The following MRC1 variants were observed in gnomAD, a reference collection of about 807,000 sequenced individuals.
MRC1 encodes macrophage mannose receptor 1.
A neutral mutation model predicts 102.9 loss-of-function variants in MRC1; 62 were observed. That is an observed-to-expected ratio of 0.60 (90% CI 0.49 to 0.74). The LOEUF is 0.74. Among genes scored for constraint, MRC1 ranks in the 30% least tolerant of loss-of-function variants. MRC1 has a pLI of 0.00. For missense variants in MRC1, 1,237 were observed against 862.8 expected (o/e 1.43, Z -5.43); for synonymous variants, 457 against 298.4 (o/e 1.53, Z -5.48).
intron 21 of MRC1, among the ~76,000 whole-genome samples, chr10:17,884,123 A>G (rs1833557403): frequency 6.6e-6 from 1 of 152,066 alleles, no homozygotes; most frequent in Non-Finnish European, 1.5e-5. Flanking sequence ...CATGACACCG[A>G]TGCTTTGTTA....
chr10:17,860,680 C>A (rs1254893771), intron 9 of MRC1, among the ~76,000 whole-genome samples: 1 of 152,164 alleles, frequency 6.6e-6, no homozygotes, highest in Non-Finnish European at 1.5e-5. Flanking sequence ...TAGCTTTATA[C>A]CCACCTTCTA....
intron 5 of MRC1, 148 bp downstream of exon 5, chr10:17,840,954 A>G (rs1020302731): frequency 5.2e-5 from 37 of 718,188 alleles, no homozygotes; most frequent in African/African-American, 4.3e-4. Context: ...TTTGAAATCT[A>G]TGCTAGATTT....
chr10:17,833,105 C>T lies in MRC1; in HGVS notation c.638-570C>T, dbSNP rs556068955. 5.0e-3 allele frequency among the ~76,000 whole-genome samples: 709 copies of T among 142,750 alleles called. 5 individuals are homozygous for T. The highest frequency in any genetic ancestry group is 0.018 in the African/African-American group (688 of 38,964). 93.6% of individuals were successfully genotyped at this position (142,750 alleles called of 152,430 possible). On this transcript the variant is annotated intron_variant, in intron 3 of 29. Transcript: ENST00000569591. ...ACTCAATTGATCCCGAAAGGGAAAT[C>T]GTGCCTGCCTTTCTTTCTTTAGGCA... is the stretch of plus-strand genomic sequence containing the variant.
intron 21 of MRC1, among the ~76,000 whole-genome samples, chr10:17,881,943 G>A (rs1296114645): frequency 2.7e-5 from 4 of 146,900 alleles, no homozygotes; most frequent in Non-Finnish European, 4.5e-5. Context: ...AGGATTACAG[G>A]TGTGAGTCAC....
At chr10:17,894,390 C>CTTTTTTTT (rs1833724074) in intron 23 of MRC1, 78 bp downstream of exon 23, 3 of 577,626 alleles carry the variant, frequency 5.2e-6, no homozygotes, top group Non-Finnish European at 8.9e-6. Context: ...TTCTTTCTTT[C>CTTTTTTTT]TTTCTTTTTT....
At chr10:17,892,163 C>G (rs1833688434) in intron 22 of MRC1, among the ~76,000 whole-genome samples, 1 of 152,162 alleles carries the variant, frequency 6.6e-6, no homozygotes, top group African/African-American at 2.4e-5. Flanking sequence ...TTTAAAATGG[C>G]TCTTTTCCCA....
chr10:17,849,200 G>A (rs1189185324), intron 6 of MRC1, among the ~76,000 whole-genome samples: 1 of 151,538 alleles, frequency 6.6e-6, no homozygotes, highest in Non-Finnish European at 1.5e-5. Flanking sequence ...TACTTAGGAG[G>A]CTGAGGCAGG....
intron 17 of MRC1, among the ~76,000 whole-genome samples, chr10:17,875,478 A>G (rs1833418044): frequency 6.6e-6 from 1 of 152,128 alleles, no homozygotes; most frequent in Non-Finnish European, 1.5e-5. Context: ...TTGCATCCTC[A>G]TAGCTTAGCT....
At chr10:17,852,478 A>G (rs1838931728) in intron 7 of MRC1, among the ~76,000 whole-genome samples, 2 of 152,216 alleles carry the variant, frequency 1.3e-5, no homozygotes, top group Non-Finnish European at 2.9e-5. Flanking sequence ...GTTCTTGATA[A>G]CAAGAGTCAG....
At chr10:17,828,371 G>A (rs1838516921) in intron 3 of MRC1, among the ~76,000 whole-genome samples, 1 of 151,452 alleles carries the variant, frequency 6.6e-6, no homozygotes, top group Non-Finnish European at 1.5e-5. Context: ...CGGCGCGCCC[G>A]ACTATGACCT....
intron 1 of MRC1, among the ~76,000 whole-genome samples, chr10:17,811,380 G>T (rs1838218982): frequency 6.6e-6 from 1 of 152,128 alleles, no homozygotes; most frequent in Non-Finnish European, 1.5e-5. Flanking sequence ...GTTTGCTCAG[G>T]AGTGTTTCCC....
rs1838738249 is a variant in MRC1, at chr10:17,840,780, C to T, written c.890C>T (p.Pro297Leu). 1 of 780,866 alleles carries T rather than the reference C, an allele frequency of 1.3e-6. No individual in the cohort carries two copies. The highest frequency in any genetic ancestry group is 2.4e-6 in the Non-Finnish European group (1 of 417,946). The allele number at this position is 780,866 out of a possible 1,614,324, so 48.4% of individuals were successfully genotyped here. A position where few individuals can be genotyped will look rare whatever the true frequency, so the allele number is the denominator to read the frequency against. The change falls in exon 5 of 30, where the codon CCT (proline) becomes CTT (leucine). Residue 297 changes from proline to leucine, a missense_variant. Pro to Leu is a moderately conservative substitution (Grantham distance 98). Transcript: ENST00000569591. ...NSGWQWSDRSPFRYLNWLPGS... is the reference protein window; with the variant it reads ...NSGWQWSDRSLFRYLNWLPGS... ...GGTTGGCAGTGGAGTGACCGCAGTCCTTTCCGATATTTGAACTGGTTACCA... is the reference window on the plus strand; with the variant it reads ...GGTTGGCAGTGGAGTGACCGCAGTCTTTTCCGATATTTGAACTGGTTACCA...
chr10:17,828,201 C>T (rs911017347), intron 3 of MRC1, among the ~76,000 whole-genome samples: 5 of 152,128 alleles, frequency 3.3e-5, no homozygotes, highest in Non-Finnish European at 4.4e-5. Flanking sequence ...CTCAGCCTCC[C>T]GAGTAGCTGG....
intron 1 of MRC1, among the ~76,000 whole-genome samples, chr10:17,811,743 AT>A (rs1222139143): frequency 2.0e-5 from 3 of 151,304 alleles, no homozygotes; most frequent in South Asian, 2.1e-4. Flanking sequence ...CTAATTTTTA[AT>A]TTTTTTTATT....
chr10:17,881,962 G>A (rs1376581375), intron 21 of MRC1, among the ~76,000 whole-genome samples: 3 of 143,422 alleles, frequency 2.1e-5, no homozygotes, highest in African/African-American at 5.2e-5. Flanking sequence ...ACCATACCTG[G>A]CTTTGAAATA....
At chr10:17,836,877 A>G (rs1838673286) in intron 4 of MRC1, among the ~76,000 whole-genome samples, 1 of 152,080 alleles carries the variant, frequency 6.6e-6, no homozygotes, top group African/African-American at 2.4e-5. Flanking sequence ...AAAAGGAAAG[A>G]AAATATATCA....
At position 17,840,303 on chromosome 10, in the gene MRC1, GATAAA is replaced by G. The variant is rs565440645; in HGVS notation, c.803-382_803-378del. The stretch of plus-strand genomic sequence containing the variant: ...AGAAGAGAAATTGACTTTAAAAAAT[GATAAA>G]ATAAAATTCTTAGAATAAGGTTTGA... On this transcript the variant is annotated intron_variant, in intron 4 of 29. Transcript: ENST00000569591. Among the ~76,000 whole-genome samples, 209 of 152,076 alleles carry G rather than the reference GATAAA, an allele frequency of 1.4e-3. 3 individuals carry two copies. Among genetic ancestry groups the G allele is most frequent in the African/African-American group, 4.8e-3 (200 of 41,488 alleles).
At chr10:17,850,922 A>G (rs1838905455) in intron 7 of MRC1, among the ~76,000 whole-genome samples, 2 of 152,238 alleles carry the variant, frequency 1.3e-5, no homozygotes, top group Non-Finnish European at 2.9e-5. Context: ...GTCTTAGGCC[A>G]CGAGAATAGC....
In MRC1 at chr10:17,873,807, A is replaced by C; in HGVS notation, c.2368A>C (p.Thr790Pro). 4.6e-6 allele frequency: 4 copies of C among 872,644 alleles called. No individual in the cohort carries two copies. Among genetic ancestry groups the C allele is most frequent in the Non-Finnish European group, 8.0e-6 (4 of 501,406 alleles). 54.1% of individuals were successfully genotyped at this position (872,644 alleles called of 1,614,324 possible). A position where few individuals can be genotyped will look rare whatever the true frequency, so the allele number is the denominator to read the frequency against. ...AGGACAAACACCAAAACCTGAGCCA[A>C]CACCAGCTCCTCAAGACAGTAGGTG... ...QKGQTPKPEP[T>P]PAPQDNPPVT... The change falls in exon 16 of 30, where the codon ACA (threonine) becomes CCA (proline). Residue 790 changes from threonine (T) to proline (P), a missense_variant. Transcript: ENST00000569591.
Sources: gnomAD v4.1 joint callset for allele counts (sites outside exome capture counted in the v4.1 genomes callset) on GRCh38, gnomAD v4.1.1 for gene constraint, MANE v1.5 for transcripts, NCBI Gene and HGNC (gene_info 2026-07-23, HGNC 2026-07-21) for gene names.